The following PPP1R13B variants were observed in gnomAD, a reference collection of about 807,000 sequenced individuals.
The protein encoded by PPP1R13B is protein phosphatase 1 regulatory subunit 13B.
In PPP1R13B, 44 loss-of-function variants were observed where a neutral mutation model predicts 119.8. The observed-to-expected ratio is 0.37, with a 90% CI of 0.29 to 0.47. PPP1R13B has a LOEUF of 0.47. PPP1R13B is among the 20% of genes least tolerant of loss of function. The pLI is 0.99. For missense variants in PPP1R13B, 1,227 were observed against 1,413.5 expected (o/e 0.87, Z 2.12); for synonymous variants, 542 against 561.5 (o/e 0.97, Z 0.49).
At chr14:103,746,007 T>C (rs2084377002) in intron 9 of PPP1R13B, among the ~76,000 whole-genome samples, 2 of 152,312 alleles carry the variant, frequency 1.3e-5, no homozygotes, top group South Asian at 2.1e-4. Flanking sequence ...GGTTTCACCA[T>C]GTTGGCCAGG....
chr14:103,785,517 C>G (rs983334630), intron 2 of PPP1R13B, among the ~76,000 whole-genome samples: 1 of 120,184 alleles, frequency 8.3e-6, no homozygotes, highest in Non-Finnish European at 1.7e-5. Context: ...CACACTCAGC[C>G]TTTTTTTTTT....
intron 1 of PPP1R13B, among the ~76,000 whole-genome samples, chr14:103,811,505 T>C (rs187519121): frequency 3.9e-5 from 6 of 151,972 alleles, no homozygotes; most frequent in African/African-American, 4.8e-5. Flanking sequence ...CTGAACAACA[T>C]AGGGAGACCC....
chr14:103,740,416 G>T lies in PPP1R13B; in HGVS notation c.2000C>A (p.Pro667Gln). ...PADGSTVESL[P>Q]RPLSPTKLTP... ...GAGCTTGGTGGGGCTGAGTGGCCGTGGCAGGCTCTCCACGGTGCTGCCATC... is the reference window on the plus strand; with the variant it reads ...GAGCTTGGTGGGGCTGAGTGGCCGTTGCAGGCTCTCCACGGTGCTGCCATC... The change falls in exon 12 of 17, where the codon CCA becomes CAA. Residue 667 changes from proline to glutamine, a missense_variant. By Grantham distance (76) the Pro-to-Gln change is moderately conservative (BLOSUM62 -1). Coordinates refer to ENST00000202556, the MANE Select transcript of PPP1R13B (RefSeq NM_015316.3). This position sits in a 1 kb window ranked among gnomAD's most constrained non-coding sequence, Gnocchi z 4.6. The T allele has an allele frequency of 6.3e-7, 1 of 1,588,216 alleles. No homozygotes were observed. Among genetic ancestry groups the T allele is most frequent in the Non-Finnish European group, 8.6e-7 (1 of 1,164,928 alleles).
In PPP1R13B at chr14:103,797,531, A is replaced by G. The variant is rs764075681; in HGVS notation, c.10-13T>C. The G allele has an allele frequency of 2.5e-6, 4 of 1,604,164 alleles. No homozygotes were observed. In the South Asian group the frequency reaches 3.3e-5, roughly 13 times the overall value. Reference sequence around the variant, plus strand: ...CAGTTAATATCATCTGTAAGACAAAAGAGTAAAGCTGTAATTTAGATTCCT... The same window carrying G: ...CAGTTAATATCATCTGTAAGACAAAGGAGTAAAGCTGTAATTTAGATTCCT... On this transcript the variant is annotated splice_polypyrimidine_tract_variant and intron_variant, in intron 1 of 16. Transcript: ENST00000202556.
rs1244292866 is a variant in PPP1R13B at position 103,734,994 on chromosome 14, C to T, written c.*160G>A. On this transcript the variant is annotated 3_prime_UTR_variant, in exon 17 of 17. Transcript: ENST00000202556. ...GTTAATGGGCAAACTGGAGAAAGGG[C>T]CTCACCTGGAAACTGTAGGATTCAC... The T allele has an allele frequency of 6.1e-6, 5 of 825,320 alleles. No homozygotes were observed. The highest frequency in any genetic ancestry group is 8.2e-6 in the Non-Finnish European group (4 of 490,734). 51.1% of individuals were successfully genotyped at this position (825,320 alleles called of 1,614,324 possible).
Position 103,739,114 on chromosome 14 carries a change from G to A in PPP1R13B, c.2593-91C>T, listed in dbSNP as rs1163982833. ...CTGGGAAGGAGTGGTGGGAGCTAAA[G>A]CCCAAAGACAGTGGCTCCGCGAAGC... On this transcript the variant is annotated intron_variant, in intron 12 of 16. Coordinates refer to ENST00000202556, the MANE Select transcript of PPP1R13B (RefSeq NM_015316.3). The A allele has an allele frequency of 2.0e-6, 3 of 1,518,480 alleles. No individual in the cohort carries two copies. The Admixed American group carries it at 6.0e-5, about 30-fold the overall frequency. 94.1% of individuals were successfully genotyped at this position (1,518,480 alleles called of 1,614,324 possible).
chr14:103,833,086 G>A (rs936922676), intron 1 of PPP1R13B, among the ~76,000 whole-genome samples: 1 of 152,182 alleles, frequency 6.6e-6, no homozygotes, highest in African/African-American at 2.4e-5. Context: ...TAAACAATGT[G>A]AATGTACTTA....
chr14:103,785,743 C>T (rs2085448036), intron 2 of PPP1R13B, among the ~76,000 whole-genome samples: 2 of 152,108 alleles, frequency 1.3e-5, no homozygotes, highest in African/African-American at 2.4e-5. Context: ...GCCTCTTGGC[C>T]TCCTGGCCTC....
In PPP1R13B at chr14:103,737,774, G is replaced by A; in HGVS notation, c.2951C>T (p.Thr984Ile). ...TGCAGCAGTTTCAATGTCGCTTATG[G>A]TTGAGGCAAAAATGGCGGCACCACT... Reference protein sequence around the residue: ...VESGAAIFASTISDIETAADK... With the variant: ...VESGAAIFASIISDIETAADK... Residue 984 changes from threonine to isoleucine, a missense_variant, in exon 15 of 17, where the codon ACC (threonine) becomes ATC (isoleucine). Transcript: ENST00000202556. 1.2e-6 allele frequency: 2 copies of A among 1,614,238 alleles called. No individual in the cohort carries two copies. Among genetic ancestry groups the A allele is most frequent in the Non-Finnish European group, 1.7e-6 (2 of 1,180,036 alleles).
At chr14:103,808,258 A>C (rs1285596842) in intron 1 of PPP1R13B, among the ~76,000 whole-genome samples, 1 of 151,536 alleles carries the variant, frequency 6.6e-6, no homozygotes, top group East Asian at 1.9e-4. Flanking sequence ...AAAAAAAATT[A>C]GTGTGAAAGT....
intron 4 of PPP1R13B, among the ~76,000 whole-genome samples, chr14:103,777,958 CTTTTT>C (rs34091327): frequency 6.9e-6 from 1 of 144,410 alleles, no homozygotes; most frequent in Non-Finnish European, 1.5e-5. Flanking sequence ...CCACATCTGA[CTTTTT>C]TTTTTTTGAG....
intron 1 of PPP1R13B, among the ~76,000 whole-genome samples, chr14:103,807,872 G>C (rs995355528): frequency 1.3e-5 from 2 of 152,060 alleles, no homozygotes; most frequent in Non-Finnish European, 2.9e-5. Flanking sequence ...CAAGTTCTCT[G>C]TAGAAAAGAC....
At chr14:103,847,894 C>T (rs558321643), upstream of PPP1R13B, among the ~76,000 whole-genome samples, 15 of 151,876 alleles carry the variant, frequency 9.9e-5, no homozygotes, top group South Asian at 1.2e-3. Context: ...GGCCCGGGTC[C>T]CGCAGCGGAT....
At chr14:103,746,612 T>C (rs2295141) in intron 8 of PPP1R13B, 59 bp from the exon 9 acceptor site, 576,078 of 1,403,756 alleles carry the variant, frequency 0.41, 120,589 homozygotes, top group African/African-American at 0.56. Flanking sequence ...AGTCCTAAGC[T>C]TAGTGCAAGA....
At chr14:103,828,019 C>A (rs1567155598) in intron 1 of PPP1R13B, among the ~76,000 whole-genome samples, 1 of 152,036 alleles carries the variant, frequency 6.6e-6, no homozygotes, top group Non-Finnish European at 1.5e-5. Context: ...ACCAACCACA[C>A]AAAGAGACTA....
intron 3 of PPP1R13B, among the ~76,000 whole-genome samples, chr14:103,782,292 A>G (rs1193695777): frequency 6.6e-6 from 1 of 152,234 alleles, no homozygotes; most frequent in African/African-American, 2.4e-5. Flanking sequence ...TAACATGTTT[A>G]GGAGATGGTC....
rs756743851 is a variant in PPP1R13B at position 103,749,814 on chromosome 14, G to A, written c.949C>T (p.Leu317Phe). The change falls in exon 8 of 17, where the codon CTC becomes TTC. Residue 317 changes from leucine to phenylalanine, a missense_variant. Coordinates refer to ENST00000202556, the MANE Select transcript of PPP1R13B (RefSeq NM_015316.3). ...DKRISELRERLYGKKIQLNRV... is the reference protein window; with the variant it reads ...DKRISELRERFYGKKIQLNRV... ...CATGCCTGAATTTTTTTCCCATAGA[G>A]ACGTTCACGCAGTTCACTGATTCGC... The A allele has an allele frequency of 1.1e-5, 18 of 1,612,418 alleles. No homozygotes were observed. Among genetic ancestry groups the A allele is most frequent in the Admixed American group, 1.7e-5 (1 of 59,630 alleles).
chr14:103,777,371 A>G (rs1199784158), intron 4 of PPP1R13B, among the ~76,000 whole-genome samples: 1 of 152,162 alleles, frequency 6.6e-6, no homozygotes, highest in Non-Finnish European at 1.5e-5. Context: ...CTCCAAGTCT[A>G]TACCACAATG....
At chr14:103,786,945 T>A (rs2085478892) in intron 2 of PPP1R13B, among the ~76,000 whole-genome samples, 1 of 150,006 alleles carries the variant, frequency 6.7e-6, no homozygotes, top group African/African-American at 2.5e-5. Flanking sequence ...CGACCTCAGG[T>A]GATCCACCCA....
Sources: gnomAD v4.1 joint callset for allele counts (sites outside exome capture counted in the v4.1 genomes callset) on GRCh38, gnomAD v4.1.1 for gene constraint, Gnocchi (gnomAD v3.1) non-coding constraint, MANE v1.5 for transcripts, NCBI Gene and HGNC (gene_info 2026-07-23, HGNC 2026-07-21) for gene names.